Variants in CHD2 observed in about 807,000 individuals in gnomAD.
CHD2 encodes chromodomain helicase DNA binding protein 2.
In CHD2, 28 loss-of-function variants were observed where a neutral mutation model predicts 243.9. That is an observed-to-expected ratio of 0.11 (90% confidence interval 0.09 to 0.16). The LOEUF (loss-of-function observed/expected upper bound fraction) is 0.16. Among genes scored for constraint, CHD2 ranks in the 10% least tolerant of loss-of-function variants. The pLI is 1.00. For missense variants in CHD2, 1,386 were observed against 2,209.8 expected (o/e 0.63, Z 7.47); for synonymous variants, 775 against 779.0 (o/e 0.99, Z 0.09).
At chr15:93,019,825 T>C (rs189637111) in intron 37 of CHD2, among the ~76,000 whole-genome samples, 187 bp from the exon 38 acceptor site, 385 of 152,094 alleles carry the variant, frequency 2.5e-3, no homozygotes, top group African/African-American at 8.8e-3. Flanking sequence ...TCCCATCTAC[T>C]TGGGAGGCTG....
chr15:92,972,525 T>A, intron 19 of CHD2, 108 bp downstream of exon 19: 1 of 1,021,974 alleles, frequency 9.8e-7, no homozygotes, highest in Non-Finnish European at 1.4e-6. Flanking sequence ...AAGTAGGAAG[T>A]AAGAGTTTTC....
At chr15:92,929,240 C>T in intron 5 of CHD2, 149 bp downstream of exon 5, 3 of 677,754 alleles carry the variant, frequency 4.4e-6, no homozygotes, top group East Asian at 2.8e-5. Flanking sequence ...TCTACCTTGA[C>T]CTGTTGCAAT....
chr15:92,903,728 A>G (rs1241935715), intron 2 of CHD2, among the ~76,000 whole-genome samples: 3 of 152,326 alleles, frequency 2.0e-5, no homozygotes, highest in African/African-American at 7.2e-5. Flanking sequence ...AAGAATGAAA[A>G]CGGGACTGTG....
At chr15:92,987,022 C>T (rs1285095873) in intron 26 of CHD2, among the ~76,000 whole-genome samples, 1 of 152,136 alleles carries the variant, frequency 6.6e-6, no homozygotes, top group Non-Finnish European at 1.5e-5. Flanking sequence ...AGGCCTGAGC[C>T]ACCGTGCGCA....
chr15:92,989,656 G>C (rs2054091394), intron 26 of CHD2, among the ~76,000 whole-genome samples: 1 of 152,140 alleles, frequency 6.6e-6, no homozygotes, highest in Non-Finnish European at 1.5e-5. Context: ...ATGTGTTGTT[G>C]GGGCACGTTT....
Position 93,000,649 on chromosome 15 carries a change from T to A in CHD2, c.4137+9T>A, listed in dbSNP as rs774237978. 6.2e-7 allele frequency: 1 copy of A among 1,607,884 alleles called. No individual in the cohort carries two copies. Among genetic ancestry groups the A allele is most frequent in the Non-Finnish European group, 8.5e-7 (1 of 1,177,480 alleles). On this transcript the variant is annotated intron_variant, in intron 32 of 38. Coordinates refer to ENST00000394196, the MANE Select transcript of CHD2 (RefSeq NM_001271.4). The stretch of plus-strand genomic sequence containing the variant: ...AAGAGGGAGAAGTGAAAGTATGAAG[T>A]GGGGTTTCGGTTGAGGGTTATTTAT...
intron 37 of CHD2, among the ~76,000 whole-genome samples, chr15:93,015,394 T>G (rs2054446459): frequency 6.6e-6 from 1 of 152,142 alleles, no homozygotes; most frequent in Non-Finnish European, 1.5e-5. Flanking sequence ...GACTATTATT[T>G]CAACTTCCGA....
Position 92,953,450 on chromosome 15 carries a change from G to C in CHD2, c.1596G>C (p.Leu532=), listed in dbSNP as rs996584370. 5.6e-6 allele frequency: 9 copies of C among 1,614,156 alleles called. No homozygotes were observed. The highest frequency in any genetic ancestry group is 7.6e-6 in the Non-Finnish European group (9 of 1,180,032). The change falls in exon 14 of 39, where the codon CTG becomes CTC. Residue 532 remains leucine, a synonymous_variant. Transcript: ENST00000394196. ...FLSYLFHQHQ[L]YGPFLIVVPL... is the part of the protein sequence containing the mutation. ...CCTACCTGTTCCACCAACACCAGCT[G>C]TATGGCCCCTTTCTTATAGTCGTCC...
chr15:92,912,565 G>A (rs780322693), intron 2 of CHD2, among the ~76,000 whole-genome samples: 11 of 152,160 alleles, frequency 7.2e-5, no homozygotes, highest in Non-Finnish European at 1.0e-4. Flanking sequence ...ACGGAGTCTC[G>A]CTTTGTTGCC....
chr15:92,941,008 A>AT (rs72276944), intron 7 of CHD2, among the ~76,000 whole-genome samples: 69,740 of 130,490 alleles, frequency 0.53, 19,781 homozygotes, highest in East Asian at 0.86. Context: ...TATATATATA[A>AT]TTTTTTTTTT....
intron 20 of CHD2, chr15:92,978,027 G>C (rs2053932348): frequency 1.7e-6 from 1 of 580,064 alleles, no homozygotes; most frequent in African/African-American, 1.9e-5. Context: ...CTCTACTCCT[G>C]TTCATGGCAC....
chr15:92,996,820 T>C, intron 28 of CHD2, 137 bp from the exon 29 acceptor site: 3 of 820,312 alleles, frequency 3.7e-6, no homozygotes, highest in Non-Finnish European at 1.8e-6. Context: ...AAATTTGTCT[T>C]ATAGATTATA....
intron 34 of CHD2, among the ~76,000 whole-genome samples, chr15:93,007,160 T>C (rs765554960): frequency 6.6e-6 from 1 of 152,254 alleles, no homozygotes; most frequent in Admixed American, 6.5e-5. Flanking sequence ...GCATGAATTA[T>C]AGCAATGAAT....
At chr15:92,961,045 A>G (rs751103313) in intron 16 of CHD2, among the ~76,000 whole-genome samples, 10 of 151,888 alleles carry the variant, frequency 6.6e-5, no homozygotes, top group Admixed American at 2.0e-4. Flanking sequence ...TTTTATTTTA[A>G]TTAGGATTTT....
At chr15:92,970,595 C>T (rs1304431759) in intron 17 of CHD2, among the ~76,000 whole-genome samples, 1 of 152,108 alleles carries the variant, frequency 6.6e-6, no homozygotes, top group Admixed American at 6.5e-5. Context: ...CTTTGAATAT[C>T]CTCCTTTCTC....
intron 2 of CHD2, among the ~76,000 whole-genome samples, chr15:92,922,263 GT>G (rs35610015): frequency 6.6e-6 from 1 of 152,128 alleles, no homozygotes; most frequent in South Asian, 2.1e-4. Flanking sequence ...AAAGAGGTCA[GT>G]TTTTTTCGTC....
At chr15:93,001,450 A>G (rs556304054) in intron 32 of CHD2, among the ~76,000 whole-genome samples, 2 of 152,354 alleles carry the variant, frequency 1.3e-5, no homozygotes, top group South Asian at 4.1e-4. Flanking sequence ...TATTAGCTCC[A>G]AGAGGATCAG....
chr15:92,979,416 G>A, intron 22 of CHD2, 133 bp downstream of exon 22: 2 of 1,089,318 alleles, frequency 1.8e-6, no homozygotes, highest in Non-Finnish European at 2.6e-6. Context: ...ACCACAAATA[G>A]GATAGCATTT....
intron 26 of CHD2, among the ~76,000 whole-genome samples, chr15:92,990,890 G>T (rs1392286339): frequency 6.6e-6 from 1 of 152,180 alleles, no homozygotes; most frequent in African/African-American, 2.4e-5. Context: ...AGACTTGCAG[G>T]AAGATAGATT....
Sources: allele counts gnomAD v4.1 joint callset (sites outside exome capture counted in the v4.1 genomes callset), GRCh38; gene constraint gnomAD v4.1.1; transcripts MANE v1.5; gene names NCBI Gene and HGNC (gene_info 2026-07-23, HGNC 2026-07-21).